The following PTPRO variants were observed in gnomAD, a reference collection of about 807,000 sequenced individuals.
PTPRO encodes the protein receptor-type tyrosine-protein phosphatase O.
Under a neutral mutation model 145.2 loss-of-function variants are expected in PTPRO, and 62 were observed. That is an observed-to-expected ratio of 0.43 (90% CI 0.35 to 0.53). PTPRO has a LOEUF of 0.53. Ranked by LOEUF, PTPRO falls within the 20% of genes least tolerant of loss-of-function variation. The pLI, the probability that PTPRO is intolerant of heterozygous loss-of-function variation, is 0.01. For missense variants in PTPRO, 1,345 were observed against 1,482.7 expected, an observed-to-expected ratio of 0.91 and a Z score of 1.53; for synonymous variants, 565 against 514.7, an observed-to-expected ratio of 1.10 and a Z score of -1.32.
At position 15,587,047 on chromosome 12, in the gene PTPRO, T is replaced by C. The variant is rs1318882150; in HGVS notation, c.3406T>C (p.Cys1136Arg). Reference sequence around the variant, plus strand: ...GAGCAAAGGTCCCATGATCATTCACTGCAGGTAACCTCATCAACTGCATTT... The same window carrying C: ...GAGCAAAGGTCCCATGATCATTCACCGCAGGTAACCTCATCAACTGCATTT... ...TKSKGPMIIH[C>R]SAGVGRTGTF... Residue 1136 changes from cysteine (C) to arginine (R), a missense_variant, in exon 24 of 27, where the codon TGC (cysteine) becomes CGC (arginine). Cys to Arg is a radical substitution (Grantham distance 180). Coordinates refer to ENST00000281171, the MANE Select transcript of PTPRO (RefSeq NM_030667.3). The C allele has an allele frequency of 6.2e-7, 1 of 1,614,084 alleles. No individual in the cohort carries two copies. The highest frequency in any genetic ancestry group is 1.7e-5 in the Admixed American group (1 of 60,024).
chr12:15,458,496 T>C (rs1941230949), intron 1 of PTPRO, among the ~76,000 whole-genome samples: 1 of 152,008 alleles, frequency 6.6e-6, no homozygotes, highest in Admixed American at 6.6e-5. Flanking sequence ...GATGGTGCCC[T>C]ATAAGTCCCT....
chr12:15,572,747 G>T (rs980322327), intron 19 of PTPRO, among the ~76,000 whole-genome samples: 2 of 151,874 alleles, frequency 1.3e-5, no homozygotes, highest in African/African-American at 4.8e-5. Flanking sequence ...CATCACCTTA[G>T]TTTCTTTATG....
chr12:15,359,917 ACCTTCAGATAGTTC>A (rs1250636098), intron 1 of PTPRO, among the ~76,000 whole-genome samples: 1 of 152,128 alleles, frequency 6.6e-6, no homozygotes, highest in Non-Finnish European at 1.5e-5. Flanking sequence ...AACAACAGGG[ACCTTCAGATAGTTC>A]CTAAAATTCC....
intron 1 of PTPRO, among the ~76,000 whole-genome samples, chr12:15,439,225 G>C (rs1024492768): frequency 6.6e-6 from 1 of 152,142 alleles, no homozygotes; most frequent in African/African-American, 2.4e-5. Flanking sequence ...ACAAGTCCTA[G>C]GGGAATTCAT....
chr12:15,442,870 T>C (rs1424960046), intron 1 of PTPRO, among the ~76,000 whole-genome samples: 3 of 152,230 alleles, frequency 2.0e-5, no homozygotes, highest in Non-Finnish European at 2.9e-5. Flanking sequence ...ATTAGAAGAA[T>C]CAATATCATT....
Position 15,509,005 on chromosome 12 carries a change from G to A in PTPRO, c.1464+238G>A, listed in dbSNP as rs575434327. Among the ~76,000 whole-genome samples, 15 of 152,252 alleles carry A rather than the reference G, an allele frequency of 9.9e-5. No individual in the cohort carries two copies. The South Asian group carries it at 2.9e-3, about 29-fold the overall frequency. ...GTTCTTTTTCATTCATTATTCAAGG[G>A]AATTTGCTGAGCATCTATGATGTGC... On this transcript the variant is annotated intron_variant, in intron 7 of 26. Transcript: ENST00000281171.
chr12:15,514,398 G>A (rs1419029052), intron 7 of PTPRO, among the ~76,000 whole-genome samples: 3 of 140,968 alleles, frequency 2.1e-5, no homozygotes, highest in Non-Finnish European at 4.5e-5. Flanking sequence ...GTTGCAGTGA[G>A]CCCAGATCAT....
chr12:15,464,408 GCAGTGA>G (rs67813573), intron 1 of PTPRO, among the ~76,000 whole-genome samples: 48,251 of 151,386 alleles, frequency 0.32, 8,748 homozygotes, highest in Middle Eastern at 0.47. Context: ...AGGCTGGTGT[GCAGTGA>G]CACAATCTCG....
chr12:15,512,176 G>A (rs749919652), intron 7 of PTPRO, among the ~76,000 whole-genome samples: 41 of 151,654 alleles, frequency 2.7e-4, no homozygotes, highest in Non-Finnish European at 1.3e-4. Flanking sequence ...GTGCAGTGGC[G>A]TAATCTCGGC....
intron 17 of PTPRO, among the ~76,000 whole-genome samples, chr12:15,563,488 G>A (rs1943826728): frequency 6.6e-6 from 1 of 152,042 alleles, no homozygotes; most frequent in Non-Finnish European, 1.5e-5. Flanking sequence ...ATGTTCCACA[G>A]CCTTAGGATA....
chr12:15,374,044 A>G (rs1938609498), intron 1 of PTPRO, among the ~76,000 whole-genome samples: 1 of 152,236 alleles, frequency 6.6e-6, no homozygotes, highest in African/African-American at 2.4e-5. Context: ...ATGCCTAATA[A>G]GTAGAGAGCA....
At chr12:15,405,087 C>T (rs905473665) in intron 1 of PTPRO, among the ~76,000 whole-genome samples, 13 of 152,142 alleles carry the variant, frequency 8.5e-5, no homozygotes, top group Non-Finnish European at 1.6e-4. Context: ...CCAAAAGCTC[C>T]ACCTCCAAAT....
chr12:15,428,899 T>A (rs976270698), intron 1 of PTPRO, among the ~76,000 whole-genome samples: 1 of 152,152 alleles, frequency 6.6e-6, no homozygotes, highest in African/African-American at 2.4e-5. Flanking sequence ...AGTGCACTCC[T>A]TTCCTCTAGG....
At chr12:15,332,458 G>A (rs1044586697) in intron 1 of PTPRO, among the ~76,000 whole-genome samples, 13 of 152,118 alleles carry the variant, frequency 8.5e-5, no homozygotes, top group Non-Finnish European at 7.4e-5. Flanking sequence ...TTACTTTATG[G>A]ACTGTACTAA....
chr12:15,458,846 A>T (rs1279614665), intron 1 of PTPRO, among the ~76,000 whole-genome samples: 1 of 151,836 alleles, frequency 6.6e-6, no homozygotes. Context: ...TGATTTCTGG[A>T]GATTAATCTT....
At chr12:15,331,664 T>TA (rs1866613110) in intron 1 of PTPRO, among the ~76,000 whole-genome samples, 1 of 151,980 alleles carries the variant, frequency 6.6e-6, no homozygotes, top group Non-Finnish European at 1.5e-5. Flanking sequence ...GTCAAAGAGG[T>TA]AGGGCAATAA....
At chr12:15,552,184 TA>T (rs894690068) in intron 15 of PTPRO, among the ~76,000 whole-genome samples, 2 of 152,154 alleles carry the variant, frequency 1.3e-5, no homozygotes, top group African/African-American at 4.8e-5. Flanking sequence ...GCAGCCAGCT[TA>T]GTTTTTCTTG....
At chr12:15,385,377 G>A (rs1938991481) in intron 1 of PTPRO, among the ~76,000 whole-genome samples, 1 of 152,128 alleles carries the variant, frequency 6.6e-6, no homozygotes, top group Admixed American at 6.5e-5. Context: ...GGAGTTTGAT[G>A]CCAGCACAAA....
intron 1 of PTPRO, among the ~76,000 whole-genome samples, chr12:15,371,107 C>T (rs1433026736): frequency 6.6e-6 from 1 of 152,106 alleles, no homozygotes; most frequent in Non-Finnish European, 1.5e-5. Flanking sequence ...TAATGATTTT[C>T]CAAGTTTTCC....
Sources: gnomAD v4.1 joint callset for allele counts (sites outside exome capture counted in the v4.1 genomes callset) on GRCh38, gnomAD v4.1.1 for gene constraint, MANE v1.5 for transcripts, NCBI Gene and HGNC (gene_info 2026-07-23, HGNC 2026-07-21) for gene names.